The following PTPRD variants were observed in gnomAD, a reference collection of about 807,000 sequenced individuals.
The protein encoded by PTPRD is protein tyrosine phosphatase receptor type D.
Under a neutral mutation model 214.5 loss-of-function variants are expected in PTPRD, and 34 were observed. The ratio of observed to expected loss-of-function variants is 0.16; its 90% CI spans 0.12 to 0.21. The LOEUF (loss-of-function observed/expected upper bound fraction) is 0.21, where lower values mean the gene tolerates loss of function less well. Ranked by LOEUF, PTPRD falls within the 10% of genes least tolerant of loss-of-function variation. The pLI is 1.00. For synonymous variants in PTPRD, 1,128 were observed against 845.7 expected, an observed-to-expected ratio of 1.33 and a Z score of -5.79; for missense variants, 2,545 against 2,398.7, an observed-to-expected ratio of 1.06 and a Z score of -1.27.
intron 30 of PTPRD, among the ~76,000 whole-genome samples, chr9:8,478,774 C>G (rs1309335162): frequency 6.6e-6 from 1 of 152,036 alleles, no homozygotes; most frequent in African/African-American, 2.4e-5. Context: ...ATGTGGCACA[C>G]AAAAAATACA....
chr9:9,951,073 A>G (rs144365703), intron 4 of PTPRD, among the ~76,000 whole-genome samples: 5 of 152,276 alleles, frequency 3.3e-5, no homozygotes, highest in Admixed American at 6.5e-5. Flanking sequence ...TAAATGCGTC[A>G]TAAGTACCAG....
intron 7 of PTPRD, among the ~76,000 whole-genome samples, chr9:9,597,500 T>C (rs774053852): frequency 1.3e-5 from 2 of 152,028 alleles, no homozygotes; most frequent in Non-Finnish European, 2.9e-5. Context: ...TGAAAACTGA[T>C]TGTTCAACAT....
chr9:10,584,790 A>C (rs2073358637), intron 2 of PTPRD, among the ~76,000 whole-genome samples: 1 of 152,304 alleles, frequency 6.6e-6, no homozygotes, highest in East Asian at 1.9e-4. Context: ...TCAATGAATA[A>C]ATATATGAAT....
intron 8 of PTPRD, among the ~76,000 whole-genome samples, chr9:9,456,080 C>G (rs979793448): frequency 2.0e-5 from 3 of 151,854 alleles, no homozygotes; most frequent in Non-Finnish European, 2.9e-5. Flanking sequence ...TGAAATATAA[C>G]ACTTTTTCCA....
At chr9:9,102,313 A>G (rs2099792485) in intron 10 of PTPRD, among the ~76,000 whole-genome samples, 1 of 152,162 alleles carries the variant, frequency 6.6e-6, no homozygotes, top group South Asian at 2.1e-4. Flanking sequence ...TCTCTTTTGA[A>G]TTTACCATTC....
intron 8 of PTPRD, among the ~76,000 whole-genome samples, chr9:9,498,978 G>T (rs189447389): frequency 6.6e-6 from 1 of 151,384 alleles, no homozygotes; most frequent in Non-Finnish European, 1.5e-5. Flanking sequence ...ACTTGCTCTT[G>T]CTGTCTCACT....
At chr9:8,598,918 T>C (rs559775846) in intron 14 of PTPRD, among the ~76,000 whole-genome samples, 1 of 152,328 alleles carries the variant, frequency 6.6e-6, no homozygotes, top group South Asian at 2.1e-4. Context: ...TCTGCTCCTT[T>C]GCTGGAAAAG....
chr9:8,742,889 G>A (rs2092243988), intron 11 of PTPRD, among the ~76,000 whole-genome samples: 1 of 152,052 alleles, frequency 6.6e-6, no homozygotes, highest in African/African-American at 2.4e-5. Context: ...TCTCCCTCAG[G>A]GAATGCCTAG....
chr9:10,394,149 T>A (rs541500953), intron 2 of PTPRD, among the ~76,000 whole-genome samples: 29 of 145,778 alleles, frequency 2.0e-4, no homozygotes, highest in African/African-American at 6.5e-4. Flanking sequence ...TAAAGATATC[T>A]ATATATATAG....
Position 8,459,350 on chromosome 9 carries a change from A to G in PTPRD, c.3875+1061T>C, listed in dbSNP as rs2134069721. 1.3e-5 allele frequency among the ~76,000 whole-genome samples: 2 copies of G among 152,238 alleles called. 1 individual carries two copies. ...AGGATGAGATCAACTTCACAGTAGCATTTCAAAATATAACACACCACAAGG... is the reference window on the plus strand; with the variant it reads ...AGGATGAGATCAACTTCACAGTAGCGTTTCAAAATATAACACACCACAAGG... On this transcript the variant is annotated intron_variant, in intron 33 of 45. Transcript: ENST00000381196.
In PTPRD at chr9:9,105,556, G is replaced by GT. The variant is rs747627074; in HGVS notation, c.-143+77747dup. Among the ~76,000 whole-genome samples, 30 of 152,256 alleles carry GT rather than the reference G, an allele frequency of 2.0e-4. 1 individual carries two copies. The highest frequency in any genetic ancestry group is 1.4e-3 in the East Asian group (7 of 5,182). ...CAGCATATTGTCTTCTTCATTCCAG[G>GT]TTACTCCATAAATTGAAATTATCGT... On this transcript the variant is annotated intron_variant, in intron 10 of 45. Coordinates refer to ENST00000381196, the MANE Select transcript of PTPRD (RefSeq NM_002839.4).
intron 12 of PTPRD, among the ~76,000 whole-genome samples, chr9:8,679,161 A>G (rs1200524428): frequency 1.3e-5 from 2 of 152,196 alleles, no homozygotes; most frequent in African/African-American, 4.8e-5. Flanking sequence ...GGCAGAAACT[A>G]GTCGCTTCCT....
chr9:10,433,700 G>A (rs537056686), intron 2 of PTPRD, among the ~76,000 whole-genome samples: 145 of 151,930 alleles, frequency 9.5e-4, no homozygotes, highest in Admixed American at 2.8e-3. Flanking sequence ...TATAATTAAT[G>A]TTCAAAACTA....
chr9:9,718,824 G>A (rs553647460), intron 7 of PTPRD, among the ~76,000 whole-genome samples: 1 of 152,318 alleles, frequency 6.6e-6, no homozygotes, highest in Admixed American at 6.5e-5. Flanking sequence ...ACAGGAGGGA[G>A]GCTGGGTGTC....
At chr9:10,282,032 T>TAGGA (rs2095141388) in intron 3 of PTPRD, among the ~76,000 whole-genome samples, 1 of 150,536 alleles carries the variant, frequency 6.6e-6, no homozygotes, top group African/African-American at 2.4e-5. Context: ...TGAAAGCCTG[T>TAGGA]AGGAATCAGC....
intron 10 of PTPRD, among the ~76,000 whole-genome samples, chr9:9,100,179 G>C (rs933899710): frequency 2.6e-5 from 4 of 152,114 alleles, no homozygotes; most frequent in Non-Finnish European, 4.4e-5. Context: ...TTCCTGGGTA[G>C]TGAATAAAGA....
chr9:8,395,903 A>T (rs1217754005), intron 36 of PTPRD, among the ~76,000 whole-genome samples: 1 of 152,038 alleles, frequency 6.6e-6, no homozygotes, highest in Admixed American at 6.6e-5. Flanking sequence ...AGCACCTGTG[A>T]TAGAGGGGCG....
intron 7 of PTPRD, among the ~76,000 whole-genome samples, chr9:9,615,124 T>C (rs2094777663): frequency 6.6e-6 from 1 of 152,136 alleles, no homozygotes; most frequent in Admixed American, 6.5e-5. Flanking sequence ...TTTGTGACCT[T>C]GTTGCCTTGA....
At chr9:9,225,980 G>C (rs1044501609) in intron 9 of PTPRD, among the ~76,000 whole-genome samples, 1 of 152,008 alleles carries the variant, frequency 6.6e-6, no homozygotes, top group East Asian at 1.9e-4. Flanking sequence ...TCAGGAGCCT[G>C]TTACTGAGGA....
Sources: gnomAD v4.1 joint callset for allele counts (sites outside exome capture counted in the v4.1 genomes callset) on GRCh38, gnomAD v4.1.1 for gene constraint, MANE v1.5 for transcripts, NCBI Gene and HGNC (gene_info 2026-07-23, HGNC 2026-07-21) for gene names.